The following SHROOM3 variants were observed in gnomAD, a reference collection of about 807,000 sequenced individuals.
SHROOM3 encodes protein Shroom3.
In SHROOM3, 47 loss-of-function variants were observed where a neutral mutation model predicts 138.6. The ratio of observed to expected loss-of-function variants is 0.34; its 90% CI spans 0.27 to 0.43. SHROOM3 has a LOEUF of 0.43. Among genes scored for constraint, SHROOM3 ranks in the 20% least tolerant of loss-of-function variants. The probability of loss-of-function intolerance (pLI) is 1.00; values close to 1 mark genes in which losing one functional copy is unlikely to be tolerated. For synonymous variants in SHROOM3, 1,062 were observed against 1,063.3 expected (o/e 1.00, Z 0.02); for missense variants, 2,491 against 2,596.5 (o/e 0.96, Z 0.88).
intron 2 of SHROOM3, among the ~76,000 whole-genome samples, chr4:76,674,554 C>CTTTTTTTTTTT (rs11312421): frequency 4.2e-4 from 43 of 103,292 alleles, no homozygotes; most frequent in South Asian, 7.9e-4. Context: ...TCCTTCCTTC[C>CTTTTTTTTTTT]TTTTTTTTTT....
intron 1 of SHROOM3, among the ~76,000 whole-genome samples, chr4:76,441,635 C>T (rs1730693526): frequency 6.6e-6 from 1 of 152,206 alleles, no homozygotes; most frequent in South Asian, 2.1e-4. Context: ...TTTGTTTCTT[C>T]CCTTATTGTT....
At chr4:76,565,280 AT>A (rs1250148795) in intron 2 of SHROOM3, among the ~76,000 whole-genome samples, 5 of 152,186 alleles carry the variant, frequency 3.3e-5, no homozygotes, top group African/African-American at 1.2e-4. Context: ...CCAGTTTTAA[AT>A]TTGGATGCAT....
intron 2 of SHROOM3, among the ~76,000 whole-genome samples, chr4:76,608,596 ATAG>A (rs1734680117): frequency 3.4e-5 from 4 of 116,056 alleles, no homozygotes; most frequent in South Asian, 3.0e-4. Context: ...ATAGCATAGC[ATAG>A]CATAGCATAG....
intron 1 of SHROOM3, among the ~76,000 whole-genome samples, chr4:76,453,121 A>G (rs982380481): frequency 3.9e-5 from 6 of 152,176 alleles, no homozygotes; most frequent in Non-Finnish European, 8.8e-5. Context: ...GAAGAATCAT[A>G]TGGTAATTCT....
chr4:76,774,697 G>C (rs1010752829), intron 10 of SHROOM3, among the ~76,000 whole-genome samples: 18 of 142,928 alleles, frequency 1.3e-4, no homozygotes, highest in Admixed American at 4.2e-4. Context: ...CAGTCCCTCA[G>C]GGTTTTTTGG....
At chr4:76,513,906 G>A (rs1045727989) in intron 1 of SHROOM3, among the ~76,000 whole-genome samples, 28 of 152,168 alleles carry the variant, frequency 1.8e-4, no homozygotes, top group African/African-American at 6.5e-4. Flanking sequence ...CACTTAAAAT[G>A]TTCTGCTGCT....
At chr4:76,759,459 G>C (rs373237911) in intron 8 of SHROOM3, 86 bp from the exon 9 acceptor site, 1 of 1,505,994 alleles carries the variant, frequency 6.6e-7, no homozygotes, top group Admixed American at 1.7e-5. Context: ...GAATTGTTAC[G>C]CACTTCTGAA....
intron 2 of SHROOM3, among the ~76,000 whole-genome samples, chr4:76,705,172 A>G (rs1256666128): frequency 6.6e-6 from 1 of 151,848 alleles, no homozygotes; most frequent in African/African-American, 2.4e-5. Flanking sequence ...AATGGGTACT[A>G]TTAAAATACC....
intron 2 of SHROOM3, among the ~76,000 whole-genome samples, chr4:76,591,320 A>G (rs1734269092): frequency 1.3e-5 from 2 of 152,214 alleles, no homozygotes; most frequent in South Asian, 2.1e-4. Context: ...GAACTTGGGA[A>G]AAGATCCTTG....
chr4:76,443,604 GCTCTGACAT>G (rs1303021271), intron 1 of SHROOM3, among the ~76,000 whole-genome samples: 4 of 152,178 alleles, frequency 2.6e-5, no homozygotes, highest in African/African-American at 9.7e-5. Context: ...CATCTCTTGT[GCTCTGACAT>G]CCCAGGCACT....
intron 1 of SHROOM3, chr4:76,532,417 A>T (rs1233453493): frequency 6.6e-6 from 1 of 152,144 alleles, no homozygotes; most frequent in African/African-American, 2.4e-5. Context: ...AAATAAAATG[A>T]TTTCCTCAAA....
intron 2 of SHROOM3, among the ~76,000 whole-genome samples, chr4:76,581,862 T>G (rs929938610): frequency 2.0e-5 from 3 of 152,216 alleles, no homozygotes; most frequent in Non-Finnish European, 4.4e-5. Flanking sequence ...ATTTACTGTC[T>G]AACACATCAT....
chr4:76,688,849 G>T (rs182621226), intron 2 of SHROOM3: 1 of 985,188 alleles, frequency 1.0e-6, no homozygotes, highest in African/African-American at 1.7e-5. Flanking sequence ...ACAAAAACAG[G>T]CCCGGAAGGA....
intron 5 of SHROOM3, among the ~76,000 whole-genome samples, chr4:76,742,789 A>G (rs1388129058): frequency 6.6e-6 from 1 of 152,134 alleles, no homozygotes; most frequent in Non-Finnish European, 1.5e-5. Context: ...CACCAAAGAC[A>G]ATAATAGGAA....
chr4:76,509,125 ATAGCAATATG>A (rs1205249710), intron 1 of SHROOM3, among the ~76,000 whole-genome samples: 1 of 152,216 alleles, frequency 6.6e-6, no homozygotes, highest in Non-Finnish European at 1.5e-5. Flanking sequence ...CATTCAAACC[ATAGCAATATG>A]TTTTGCATTT....
At chr4:76,491,844 G>A (rs7674982) in intron 1 of SHROOM3, among the ~76,000 whole-genome samples, 65,598 of 152,064 alleles carry the variant, frequency 0.43, 15,161 homozygotes, top group Non-Finnish European at 0.52. Context: ...ACCTTGATCT[G>A]AGCTTTGCTG....
intron 2 of SHROOM3, among the ~76,000 whole-genome samples, chr4:76,697,438 T>C (rs1719773259): frequency 6.6e-6 from 1 of 152,156 alleles, no homozygotes; most frequent in South Asian, 2.1e-4. Context: ...ACTGGAAGAA[T>C]TGTTATGCTC....
intron 2 of SHROOM3, among the ~76,000 whole-genome samples, chr4:76,589,127 C>T (rs960542242): frequency 2.2e-4 from 34 of 152,232 alleles, no homozygotes; most frequent in Admixed American, 2.2e-3. Context: ...TCTCAACAAA[C>T]TTGTGTGAAC....
At chr4:76,689,297 C>T (rs1295006160) in intron 2 of SHROOM3, among the ~76,000 whole-genome samples, 1 of 141,112 alleles carries the variant, frequency 7.1e-6, no homozygotes, top group African/African-American at 2.5e-5. Flanking sequence ...AATGCAAATC[C>T]GGTCCTGAGC....
Sources: allele counts gnomAD v4.1 joint callset (sites outside exome capture counted in the v4.1 genomes callset), GRCh38; gene constraint gnomAD v4.1.1; transcripts MANE v1.5; gene names NCBI Gene and HGNC (gene_info 2026-07-23, HGNC 2026-07-21).